Variants in NPAS3 observed in about 807,000 individuals in gnomAD.
NPAS3 encodes neuronal PAS domain protein 3, also known as neuronal PAS domain-containing protein 3.
NPAS3 carries 14 observed loss-of-function variants against 73.1 expected under a neutral mutation model. That is an observed-to-expected ratio of 0.19 (90% CI 0.13 to 0.30). NPAS3 has a LOEUF of 0.30. Ranked by LOEUF, NPAS3 falls within the 10% of genes least tolerant of loss-of-function variation. The pLI is 1.00. For missense variants in NPAS3, 1,096 were observed against 1,250.0 expected, an observed-to-expected ratio of 0.88 and a Z score of 1.86; for synonymous variants, 620 against 541.5, an observed-to-expected ratio of 1.14 and a Z score of -2.01.
chr14:33,144,171 AC>A (rs2044157657), intron 2 of NPAS3, among the ~76,000 whole-genome samples: 2 of 152,148 alleles, frequency 1.3e-5, no homozygotes, highest in Admixed American at 6.5e-5. Flanking sequence ...TCTTACATTC[AC>A]ACTGGAAATT....
intron 3 of NPAS3, among the ~76,000 whole-genome samples, chr14:33,361,144 G>A (rs1044181478): frequency 2.0e-5 from 3 of 152,180 alleles, no homozygotes; most frequent in African/African-American, 7.2e-5. Flanking sequence ...TCTGCCTAGG[G>A]ATTCTCATTT....
chr14:33,644,932 T>G (rs1441560634), intron 5 of NPAS3, among the ~76,000 whole-genome samples: 1 of 151,540 alleles, frequency 6.6e-6, no homozygotes, highest in African/African-American at 2.4e-5. Context: ...AATACAAAAT[T>G]TATCCAGGTG....
At chr14:33,286,083 C>G (rs1049692560) in intron 3 of NPAS3, among the ~76,000 whole-genome samples, 2 of 152,100 alleles carry the variant, frequency 1.3e-5, no homozygotes, top group African/African-American at 4.8e-5. Context: ...CTTATCTTCC[C>G]TGTTGTGCTT....
intron 5 of NPAS3, among the ~76,000 whole-genome samples, chr14:33,624,145 T>C (rs2058158504): frequency 6.6e-6 from 1 of 152,242 alleles, no homozygotes. Flanking sequence ...TGGCATACCA[T>C]GTAATTCAGT....
chr14:33,387,922 G>A lies in NPAS3; in HGVS notation c.468+20654G>A, dbSNP rs190385831. Among the ~76,000 whole-genome samples, 204 of 152,314 alleles carry A rather than the reference G, an allele frequency of 1.3e-3. 1 individual carries two copies. The highest frequency in any genetic ancestry group is 4.7e-3 in the African/African-American group (197 of 41,570). Reference sequence around the variant, plus strand: ...GAAGCAGATATAGAAATAAATAAATGTGATAATATCTACTAGAAGCTAAAC... The same window carrying A: ...GAAGCAGATATAGAAATAAATAAATATGATAATATCTACTAGAAGCTAAAC... On this transcript the variant is annotated intron_variant, in intron 4 of 11. Coordinates refer to ENST00000356141, the Ensembl canonical transcript of NPAS3.
rs57147759 is a variant in NPAS3 at position 33,083,178 on chromosome 14, C to CAAAAAAAAA, written c.140+27212_140+27220dup. ...AGCCTGGGTAATGGCGAGACTGTCT[C>CAAAAAAAAA]AAAAAAAAAAAAAAAAAAAAAAAAA... On this transcript the variant is annotated intron_variant, in intron 2 of 11. Coordinates refer to ENST00000356141, the Ensembl canonical transcript of NPAS3. Among the ~76,000 whole-genome samples the CAAAAAAAAA allele has an allele frequency of 7.7e-5, 5 of 65,016 alleles. 1 individual carries two copies. The highest frequency in any genetic ancestry group is 1.4e-4 in the Non-Finnish European group (4 of 29,242). The allele number at this position is 65,016 out of a possible 152,430, so 42.7% of individuals were successfully genotyped here.
chr14:33,032,282 A>C (rs541130080), intron 1 of NPAS3, among the ~76,000 whole-genome samples: 21 of 152,298 alleles, frequency 1.4e-4, no homozygotes, highest in African/African-American at 4.1e-4. Flanking sequence ...GACAGATTGG[A>C]ACTGGGTTTT....
chr14:33,108,991 A>G (rs1191224125), intron 2 of NPAS3, among the ~76,000 whole-genome samples: 1 of 152,184 alleles, frequency 6.6e-6, no homozygotes, highest in Non-Finnish European at 1.5e-5. Context: ...GTGTTTGTGA[A>G]GAAGATTTTG....
At chr14:33,520,957 A>T (rs2053528487) in intron 4 of NPAS3, among the ~76,000 whole-genome samples, 1 of 152,164 alleles carries the variant, frequency 6.6e-6, no homozygotes, top group Admixed American at 6.6e-5. Context: ...ATTTACCTTT[A>T]TACATTTTAC....
At chr14:33,690,219 G>C (rs1329336941) in intron 6 of NPAS3, among the ~76,000 whole-genome samples, 4 of 152,118 alleles carry the variant, frequency 2.6e-5, no homozygotes, top group African/African-American at 4.8e-5. Flanking sequence ...CTCGGTATTG[G>C]TTTGAACTTT....
intron 4 of NPAS3, among the ~76,000 whole-genome samples, chr14:33,406,649 G>T (rs181850798): frequency 6.6e-6 from 1 of 152,226 alleles, no homozygotes; most frequent in Admixed American, 6.5e-5. Context: ...AAGTAATTTT[G>T]CTGAAAACCA....
chr14:33,684,404 C>T (rs1053025210), intron 6 of NPAS3, among the ~76,000 whole-genome samples: 16 of 152,024 alleles, frequency 1.1e-4, no homozygotes, highest in Admixed American at 5.9e-4. Flanking sequence ...CTCCATCTCT[C>T]GGGCTCAAGT....
chr14:33,500,119 C>T (rs1595037989), intron 4 of NPAS3, among the ~76,000 whole-genome samples: 1 of 151,898 alleles, frequency 6.6e-6, no homozygotes, highest in South Asian at 2.1e-4. Flanking sequence ...AGGAAGGCAC[C>T]TAACCATTTG....
chr14:33,406,336 G>A (rs1414421541), intron 4 of NPAS3, among the ~76,000 whole-genome samples: 3 of 152,066 alleles, frequency 2.0e-5, no homozygotes, highest in Non-Finnish European at 2.9e-5. Context: ...GGGAGAAAAG[G>A]AGAGTAAACT....
intron 2 of NPAS3, among the ~76,000 whole-genome samples, chr14:33,204,141 A>G (rs894090807): frequency 7.2e-5 from 11 of 152,142 alleles, no homozygotes; most frequent in Admixed American, 2.0e-4. Context: ...AAACGTGTGT[A>G]GGGTCCAGGG....
At chr14:33,082,099 G>A (rs1270010947) in intron 2 of NPAS3, among the ~76,000 whole-genome samples, 1 of 152,238 alleles carries the variant, frequency 6.6e-6, no homozygotes, top group Admixed American at 6.5e-5. Context: ...TCAGTGAATA[G>A]TGTTGGTTGA....
chr14:33,205,666 C>T (rs1427374579), intron 2 of NPAS3, among the ~76,000 whole-genome samples: 3 of 152,156 alleles, frequency 2.0e-5, no homozygotes, highest in Non-Finnish European at 4.4e-5. Flanking sequence ...ATTTAGTGAT[C>T]TCTGTTTCAC....
At chr14:33,597,561 T>C (rs2057281051) in intron 5 of NPAS3, among the ~76,000 whole-genome samples, 1 of 152,262 alleles carries the variant, frequency 6.6e-6, no homozygotes, top group African/African-American at 2.4e-5. Flanking sequence ...TAGCTCCAGA[T>C]TGCCATGTTG....
At chr14:33,264,712 C>T (rs932412566) in intron 3 of NPAS3, among the ~76,000 whole-genome samples, 3 of 152,166 alleles carry the variant, frequency 2.0e-5, no homozygotes, top group African/African-American at 7.2e-5. Context: ...TCCTTTCACA[C>T]TATAAATGTG....
Sources: allele counts gnomAD v4.1 joint callset (sites outside exome capture counted in the v4.1 genomes callset), GRCh38; gene constraint gnomAD v4.1.1; transcripts MANE v1.5; gene names NCBI Gene and HGNC (gene_info 2026-07-23, HGNC 2026-07-21).